The following TBC1D30 variants were observed in gnomAD, a reference collection of about 807,000 sequenced individuals.
The protein encoded by TBC1D30 is TBC1 domain family, member 30.
TBC1D30 carries 31 observed loss-of-function variants against 63.2 expected under a neutral mutation model. The observed-to-expected ratio is 0.49, with a 90% CI of 0.37 to 0.66. The LOEUF (loss-of-function observed/expected upper bound fraction) is 0.66, where lower values mean the gene tolerates loss of function less well. Among genes scored for constraint, TBC1D30 ranks in the 30% least tolerant of loss-of-function variants. The pLI, the probability that TBC1D30 is intolerant of heterozygous loss-of-function variation, is 0.00. For missense variants in TBC1D30, 810 were observed against 953.6 expected (o/e 0.85, Z 1.98); for synonymous variants, 307 against 361.5 (o/e 0.85, Z 1.71).
At chr12:64,790,782 C>T (rs1871868948) in intron 2 of TBC1D30, among the ~76,000 whole-genome samples, 1 of 152,220 alleles carries the variant, frequency 6.6e-6, no homozygotes, top group Admixed American at 6.5e-5. Context: ...TGAGTGTCTT[C>T]TCTTCATTAA....
intron 10 of TBC1D30, among the ~76,000 whole-genome samples, chr12:64,867,507 T>C (rs1414093654): frequency 6.6e-6 from 1 of 152,132 alleles, no homozygotes; most frequent in African/African-American, 2.4e-5. Flanking sequence ...TGTTACTTTA[T>C]CTTTTTATTA....
chr12:64,824,900 C>G lies in TBC1D30; in HGVS notation c.21C>G (p.Thr7=). MRQDKL[T]GSLRRGGRCL... Reference sequence around the variant, plus strand: ...CTCGGATGCGGCAGGACAAGCTGACCGGGTCTCTGAGGCGCGGGGGGAGAT... The same window carrying G: ...CTCGGATGCGGCAGGACAAGCTGACGGGGTCTCTGAGGCGCGGGGGGAGAT... Residue 7 remains threonine (T), a synonymous_variant, in exon 1 of 12, where the codon ACC becomes ACG. Transcript: ENST00000539867. The G allele has an allele frequency of 6.5e-7, 1 of 1,534,066 alleles. No individual in the cohort carries two copies.
chr12:64,861,331 A>G (rs1452171838), intron 8 of TBC1D30, among the ~76,000 whole-genome samples: 1 of 152,240 alleles, frequency 6.6e-6, no homozygotes, highest in Non-Finnish European at 1.5e-5. Context: ...TTTCCTTGAC[A>G]TCATAGAATG....
intron 2 of TBC1D30, among the ~76,000 whole-genome samples, chr12:64,797,654 T>C (rs552912792): frequency 5.7e-4 from 86 of 152,076 alleles, no homozygotes; most frequent in Non-Finnish European, 1.0e-3. Flanking sequence ...TCTCTCTCTT[T>C]CCCTTTTTAC....
Position 64,875,360 on chromosome 12 carries a change from A to G in TBC1D30, c.1858A>G (p.Arg620Gly). ...CTCTGGTTGTACAGCGACAGCTGGG[A>G]GAGAAGGCAGCAGCCCTGAAGGCAG... ...FPSGCTATAG[R>G]EGSSPEGSTR... Residue 620 changes from arginine (R) to glycine (G), a missense_variant, in exon 12 of 12, where the codon AGA (arginine) becomes GGA (glycine). Physicochemically the swap from Arg to Gly is moderately radical, Grantham distance 125. Transcript: ENST00000539867. The G allele has an allele frequency of 6.5e-7, 1 of 1,536,232 alleles. No individual in the cohort carries two copies. Among genetic ancestry groups the G allele is most frequent in the Non-Finnish European group, 8.7e-7 (1 of 1,146,920 alleles).
chr12:64,841,651 C>T lies in TBC1D30; in HGVS notation c.933-1729C>T, dbSNP rs1288502422. On this transcript the variant is annotated intron_variant, in intron 7 of 11. Transcript: ENST00000539867. ...GCAACCACTACCCCAGTGCTGGTCT[C>T]GCTGGTTGTGCGGAGCTACTTGCAG... Among the ~76,000 whole-genome samples the T allele has an allele frequency of 5.3e-5, 8 of 152,218 alleles. No individual in the cohort carries two copies. In the East Asian group the frequency reaches 5.8e-4, roughly 11 times the overall value.
chr12:64,865,598 G>A (rs1000235577), intron 9 of TBC1D30, among the ~76,000 whole-genome samples: 3 of 152,204 alleles, frequency 2.0e-5, no homozygotes, highest in Admixed American at 6.5e-5. Context: ...GCTCACGCCC[G>A]TAATCCTAGC....
At chr12:64,825,933 G>C (rs1330645917) in intron 1 of TBC1D30, among the ~76,000 whole-genome samples, 2 of 152,206 alleles carry the variant, frequency 1.3e-5, no homozygotes, top group Non-Finnish European at 2.9e-5. Flanking sequence ...TAGAGCCGCA[G>C]GAGAATCGAG....
intron 10 of TBC1D30, among the ~76,000 whole-genome samples, chr12:64,869,471 C>T (rs138747067): frequency 1.3e-5 from 2 of 152,246 alleles, no homozygotes; most frequent in African/African-American, 4.8e-5. Flanking sequence ...AAAATCTGAA[C>T]CCAACAAGAG....
chr12:64,789,017 A>AT (rs1033835258), intron 2 of TBC1D30, among the ~76,000 whole-genome samples: 25 of 152,026 alleles, frequency 1.6e-4, no homozygotes, highest in Admixed American at 2.0e-4. Context: ...AAGAATTGAG[A>AT]TTTTTTAAAA....
chr12:64,813,512 G>C (rs1417653961), intron 2 of TBC1D30, among the ~76,000 whole-genome samples: 1 of 152,304 alleles, frequency 6.6e-6, no homozygotes, highest in Middle Eastern at 3.4e-3. Flanking sequence ...GCCACTGACT[G>C]TGGGAGCCAG....
At chr12:64,827,360 G>A (rs1874448637) in intron 1 of TBC1D30, among the ~76,000 whole-genome samples, 2 of 152,166 alleles carry the variant, frequency 1.3e-5, no homozygotes, top group Non-Finnish European at 1.5e-5. Flanking sequence ...GAGGTGGGAG[G>A]ATTGCTTAAG....
At chr12:64,843,730 A>G (rs1876106725) in intron 8 of TBC1D30, among the ~76,000 whole-genome samples, 2 of 152,222 alleles carry the variant, frequency 1.3e-5, no homozygotes, top group Non-Finnish European at 2.9e-5. Flanking sequence ...TAGCAGCAAT[A>G]TAAACTGGAA....
chr12:64,825,098 C>A, intron 1 of TBC1D30, 65 bp downstream of exon 1: 1 of 1,484,348 alleles, frequency 6.7e-7, no homozygotes, highest in South Asian at 1.3e-5. Context: ...GCGCTTCTGC[C>A]TTAGCCTGAC....
At chr12:64,797,814 G>A (rs1872370716) in intron 2 of TBC1D30, among the ~76,000 whole-genome samples, 1 of 152,054 alleles carries the variant, frequency 6.6e-6, no homozygotes, top group South Asian at 2.1e-4. Context: ...CAGCTCTTCT[G>A]GGGTACCCTG....
chr12:64,862,383 C>T (rs999566955), intron 8 of TBC1D30, among the ~76,000 whole-genome samples: 1 of 152,178 alleles, frequency 6.6e-6, no homozygotes, highest in Non-Finnish European at 1.5e-5. Context: ...GAAGGACTTA[C>T]TAAAAGTCAG....
chr12:64,795,600 T>TAGC (rs1389223071), intron 2 of TBC1D30, among the ~76,000 whole-genome samples: 1 of 152,196 alleles, frequency 6.6e-6, no homozygotes, highest in Non-Finnish European at 1.5e-5. Context: ...TAAGTTGGAT[T>TAGC]TCAGCTTTCC....
intron 2 of TBC1D30, among the ~76,000 whole-genome samples, chr12:64,801,947 C>A (rs561319572): frequency 6.6e-6 from 1 of 152,018 alleles, no homozygotes; most frequent in Non-Finnish European, 1.5e-5. Flanking sequence ...TGCTTTTTGG[C>A]GTTTTTGCTG....
chr12:64,821,784 A>G (rs1565656780), upstream of TBC1D30, among the ~76,000 whole-genome samples: 1 of 152,234 alleles, frequency 6.6e-6, no homozygotes, highest in African/African-American at 2.4e-5. Flanking sequence ...AACTGTAAAA[A>G]GTTGATGGTT....
Sources: allele counts gnomAD v4.1 joint callset (sites outside exome capture counted in the v4.1 genomes callset), GRCh38; gene constraint gnomAD v4.1.1; transcripts MANE v1.5; gene names NCBI Gene and HGNC (gene_info 2026-07-23, HGNC 2026-07-21).